ARMH3: variants seen among roughly 807,000 people sequenced by gnomAD.
The protein encoded by ARMH3 is armadillo-like helical domain-containing protein 3.
ARMH3 carries 60 observed loss-of-function variants against 99.1 expected under a neutral mutation model. The ratio of observed to expected loss-of-function variants is 0.61; its 90% CI spans 0.49 to 0.75. ARMH3 has a LOEUF of 0.75. ARMH3 is among the 30% of genes least tolerant of loss of function. The pLI is 0.00. For synonymous variants in ARMH3, 285 were observed against 292.8 expected (o/e 0.97, Z 0.27); for missense variants, 679 against 843.1 (o/e 0.81, Z 2.41).
intron 24 of ARMH3, among the ~76,000 whole-genome samples, chr10:101,883,986 TCACACA>T (rs140583795): frequency 6.9e-6 from 1 of 145,534 alleles, no homozygotes. Context: ...GAGGGAGATC[TCACACA>T]CACACACACA....
intron 5 of ARMH3, 103 bp downstream of exon 5, chr10:102,029,535 T>A (rs1010367975): frequency 3.1e-6 from 5 of 1,608,976 alleles, no homozygotes; most frequent in Non-Finnish European, 4.2e-6. Flanking sequence ...ATCATCTGTA[T>A]CTTTCTGAGT....
At chr10:101,917,136 A>G (rs932133370) in intron 23 of ARMH3, among the ~76,000 whole-genome samples, 4 of 152,176 alleles carry the variant, frequency 2.6e-5, no homozygotes, top group African/African-American at 9.7e-5. Context: ...AAAAACCCTG[A>G]TACAAGTATA....
chr10:101,868,399 A>G (rs1430262201), intron 24 of ARMH3, among the ~76,000 whole-genome samples: 1 of 152,262 alleles, frequency 6.6e-6, no homozygotes, highest in Non-Finnish European at 1.5e-5. Context: ...GACTGGTACC[A>G]TATAGCAACA....
At chr10:102,035,798 G>A (rs1015405142) in intron 2 of ARMH3, among the ~76,000 whole-genome samples, 5 of 152,308 alleles carry the variant, frequency 3.3e-5, no homozygotes, top group Admixed American at 2.6e-4. Flanking sequence ...CCAAAGTGCC[G>A]AGATTGCAGC....
At chr10:102,020,483 TG>T (rs1441891436) in intron 8 of ARMH3, among the ~76,000 whole-genome samples, 1 of 152,018 alleles carries the variant, frequency 6.6e-6, no homozygotes, top group Non-Finnish European at 1.5e-5. Context: ...GAGACCATCC[TG>T]GCCACCCTAG....
chr10:102,050,199 T>C (rs1262008269), intron 1 of ARMH3, among the ~76,000 whole-genome samples: 1 of 149,446 alleles, frequency 6.7e-6, no homozygotes, highest in Non-Finnish European at 1.5e-5. Context: ...TCCCAACACT[T>C]TGGGAGGCCG....
intron 23 of ARMH3, among the ~76,000 whole-genome samples, chr10:101,899,608 G>A (rs1487375919): frequency 2.0e-5 from 3 of 152,106 alleles, no homozygotes; most frequent in African/African-American, 7.2e-5. Flanking sequence ...TAACAGAAGT[G>A]CATTACAAGC....
At chr10:102,004,543 A>C (rs11191180) in intron 14 of ARMH3, among the ~76,000 whole-genome samples, 2 of 152,326 alleles carry the variant, frequency 1.3e-5, no homozygotes, top group East Asian at 3.9e-4. Context: ...ACCATTGCAT[A>C]ATCAAGTGTG....
intron 25 of ARMH3, among the ~76,000 whole-genome samples, chr10:101,849,002 G>T (rs901395993): frequency 6.6e-6 from 1 of 152,172 alleles, no homozygotes; most frequent in Non-Finnish European, 1.5e-5. Context: ...CAAGACAAAC[G>T]ATCTAATACG....
chr10:102,008,177 T>C (rs142942826), intron 13 of ARMH3, among the ~76,000 whole-genome samples: 39 of 152,318 alleles, frequency 2.6e-4, no homozygotes, highest in African/African-American at 8.9e-4. Context: ...CTCTATGTTA[T>C]CAGTCATGAA....
chr10:101,879,163 C>T (rs1396585501), intron 24 of ARMH3, among the ~76,000 whole-genome samples: 1 of 152,168 alleles, frequency 6.6e-6, no homozygotes, highest in Non-Finnish European at 1.5e-5. Flanking sequence ...GAATATCTGA[C>T]ACACTTAGGT....
intron 23 of ARMH3, among the ~76,000 whole-genome samples, chr10:101,930,438 C>T (rs1431879298): frequency 6.6e-6 from 1 of 151,692 alleles, no homozygotes; most frequent in African/African-American, 2.4e-5. Context: ...TACTTTTGCA[C>T]CAACCTATAA....
intron 1 of ARMH3, among the ~76,000 whole-genome samples, chr10:102,050,074 C>T (rs2136291200): frequency 6.6e-6 from 1 of 151,496 alleles, no homozygotes; most frequent in East Asian, 2.0e-4. Flanking sequence ...ACCCGGGAGG[C>T]GGTGGTTGCA....
At chr10:102,013,112 A>G (rs774831104) in intron 9 of ARMH3, among the ~76,000 whole-genome samples, 1 of 152,220 alleles carries the variant, frequency 6.6e-6, no homozygotes, top group Non-Finnish European at 1.5e-5. Flanking sequence ...TGGATTATCA[A>G]GCGGTGAAAC....
intron 1 of ARMH3, among the ~76,000 whole-genome samples, chr10:102,050,278 T>C (rs745482928): frequency 6.6e-6 from 1 of 150,630 alleles, no homozygotes; most frequent in Non-Finnish European, 1.5e-5. Flanking sequence ...CCGTCTCTAC[T>C]AAAAATACAA....
chr10:101,861,980 C>T (rs1170178865), intron 24 of ARMH3, among the ~76,000 whole-genome samples: 6 of 128,904 alleles, frequency 4.7e-5, no homozygotes, highest in African/African-American at 1.2e-4. Flanking sequence ...ACCTGGGAGG[C>T]GGAGCTTGCA....
chr10:101,899,410 G>C (rs928876981), intron 23 of ARMH3, among the ~76,000 whole-genome samples: 2 of 152,112 alleles, frequency 1.3e-5, no homozygotes, highest in Admixed American at 1.3e-4. Context: ...GAGTGTATGT[G>C]GCAGTAGTTA....
chr10:101,957,783 T>C (rs1407400881), intron 20 of ARMH3, 51 bp from the exon 21 acceptor site: 1 of 1,497,964 alleles, frequency 6.7e-7, no homozygotes, highest in Non-Finnish European at 8.8e-7. Context: ...CCATGATTAA[T>C]AAAGTTAAAT....
At chr10:101,887,121 T>C (rs2067567511) in intron 24 of ARMH3, among the ~76,000 whole-genome samples, 1 of 152,182 alleles carries the variant, frequency 6.6e-6, no homozygotes, top group Non-Finnish European at 1.5e-5. Context: ...ACCTCTAATC[T>C]GATAGTGCTG....
Sources: allele counts gnomAD v4.1 joint callset (sites outside exome capture counted in the v4.1 genomes callset), GRCh38; gene constraint gnomAD v4.1.1; transcripts MANE v1.5; gene names NCBI Gene and HGNC (gene_info 2026-07-23, HGNC 2026-07-21).